The following PLA2G6 variants were observed in gnomAD, a reference collection of about 807,000 sequenced individuals.
PLA2G6 encodes 85/88 kDa calcium-independent phospholipase A2.
A neutral mutation model predicts 83.8 loss-of-function variants in PLA2G6; 62 were observed. That is an observed-to-expected ratio of 0.74 (90% CI 0.60 to 0.91). PLA2G6 has a LOEUF of 0.91. Among genes scored for constraint, PLA2G6 ranks in the 40% least tolerant of loss-of-function variants. The probability of loss-of-function intolerance (pLI) is 0.00; values close to 1 mark genes in which losing one functional copy is unlikely to be tolerated. For missense variants in PLA2G6, 944 were observed against 1,102.0 expected (o/e 0.86, Z 2.03); for synonymous variants, 417 against 449.8 (o/e 0.93, Z 0.92).
At chr22:38,131,832 T>C (rs1275280503) in intron 7 of PLA2G6, 1 of 293,678 alleles carries the variant, frequency 3.4e-6, no homozygotes, top group African/African-American at 2.3e-5. Context: ...CTCACGCCTG[T>C]AATCCCAGCA....
rs942322828 is a variant in PLA2G6, at chr22:38,115,458, C to A, written c.2034+69G>T. 16 of 1,478,310 alleles carry A rather than the reference C, an allele frequency of 1.1e-5. No homozygotes were observed. In the South Asian group the frequency reaches 1.6e-4, roughly 15 times the overall value. 91.6% of individuals were successfully genotyped at this position (1,478,310 alleles called of 1,614,324 possible). A position where few individuals can be genotyped will look rare whatever the true frequency, so the allele number is the denominator to read the frequency against. On this transcript the variant is annotated intron_variant, in intron 14 of 16. Transcript: ENST00000332509. ...TGCTGTCCTGGGGGTCGGTCCCTAGCATGGTTTGCTGACACAGGATTGGCT... is the reference window on the plus strand; with the variant it reads ...TGCTGTCCTGGGGGTCGGTCCCTAGAATGGTTTGCTGACACAGGATTGGCT...
At chr22:38,164,561 C>T (rs776110848) in intron 2 of PLA2G6, among the ~76,000 whole-genome samples, 3 of 152,196 alleles carry the variant, frequency 2.0e-5, no homozygotes, top group Admixed American at 6.5e-5. Context: ...CCAGTCTCTC[C>T]GCCCAGCAGC....
chr22:38,170,773 TC>T (rs1368442360), intron 1 of PLA2G6, among the ~76,000 whole-genome samples: 1 of 152,022 alleles, frequency 6.6e-6, no homozygotes, highest in Non-Finnish European at 1.5e-5. Flanking sequence ...GCCACATTCT[TC>T]CCTGGCCTAT....
intron 5 of PLA2G6, chr22:38,135,406 G>C (rs2088489792): frequency 2.7e-6 from 1 of 375,182 alleles, no homozygotes; most frequent in East Asian, 6.0e-5. Context: ...AACATGGAGA[G>C]AGTGCTGAGA....
At chr22:38,142,658 G>A (rs2088987546) in intron 4 of PLA2G6, 1 of 259,366 alleles carries the variant, frequency 3.9e-6, no homozygotes, top group African/African-American at 2.2e-5. Flanking sequence ...AAGAAAGTTT[G>A]TGAATTTGTG....
intron 1 of PLA2G6, among the ~76,000 whole-genome samples, chr22:38,170,225 T>G: frequency 6.8e-6 from 1 of 147,950 alleles, no homozygotes; most frequent in Admixed American, 6.8e-5. Flanking sequence ...GAGGCCAGCA[T>G]GGATCATTTC....
chr22:38,139,666 C>T, intron 5 of PLA2G6: 1 of 271,912 alleles, frequency 3.7e-6, no homozygotes, highest in Middle Eastern at 1.4e-3. Flanking sequence ...AACTCCCGAC[C>T]TCAGGTGATC....
At chr22:38,165,228 C>A (rs2090169205) in intron 2 of PLA2G6, among the ~76,000 whole-genome samples, 1 of 152,212 alleles carries the variant, frequency 6.6e-6, no homozygotes, top group Non-Finnish European at 1.5e-5. Context: ...ATATCACATT[C>A]ATTTGTTCCA....
rs928030078 is a variant in PLA2G6, at chr22:38,111,600, TGGGGCAGTGTGA to T, written c.*549_*560del. 5 of 173,274 alleles carry T rather than the reference TGGGGCAGTGTGA, an allele frequency of 2.9e-5. No individual in the cohort carries two copies. The highest frequency in any genetic ancestry group is 1.2e-4 in the African/African-American group (5 of 41,562). The allele number at this position is 173,274 out of a possible 1,614,324, so 10.7% of individuals were successfully genotyped here. ...CTTTGAGAGCTGAGGGTTCTCGGGG[TGGGGCAGTGTGA>T]GGGGCTGGGCCAGTGTGAGGGGCAA... is the stretch of plus-strand genomic sequence containing the variant. On this transcript the variant is annotated 3_prime_UTR_variant, in exon 17 of 17. Transcript: ENST00000332509.
chr22:38,125,124 ATG>A (rs2087761205), intron 10 of PLA2G6, among the ~76,000 whole-genome samples: 1 of 151,948 alleles, frequency 6.6e-6, no homozygotes, highest in East Asian at 1.9e-4. Flanking sequence ...ATGTACATGC[ATG>A]TGTGTACATG....
Position 38,128,431 on chromosome 22 carries a change from C to A in PLA2G6, c.1187-1G>T. On this transcript the variant is annotated splice_acceptor_variant, in intron 8 of 16. Transcript: ENST00000332509. LOFTEE classifies it high-confidence loss of function. The surrounding 1 kb of genome is among the most constrained non-coding windows in gnomAD (Gnocchi z 4.4). ...GTCAAGATCGCCTTCCTGGTGACAACTTGTCATGGTTTGGGGAAGGGGAGA... is the reference window on the plus strand; with the variant it reads ...GTCAAGATCGCCTTCCTGGTGACAAATTGTCATGGTTTGGGGAAGGGGAGA... The A allele has an allele frequency of 6.2e-7, 1 of 1,614,020 alleles. No individual in the cohort carries two copies. The highest frequency in any genetic ancestry group is 8.5e-7 in the Non-Finnish European group (1 of 1,179,968).
At chr22:38,162,771 G>A (rs2090069614) in intron 2 of PLA2G6, among the ~76,000 whole-genome samples, 1 of 152,124 alleles carries the variant, frequency 6.6e-6, no homozygotes, top group Non-Finnish European at 1.5e-5. Flanking sequence ...GGGGCAAGGA[G>A]GACCCTACCC....
intron 6 of PLA2G6, chr22:38,133,326 C>T (rs1462396524): frequency 1.1e-5 from 5 of 459,772 alleles, no homozygotes; most frequent in Non-Finnish European, 2.0e-5. Context: ...TCCTGAAGCA[C>T]CCCGCTCCCT....
chr22:38,173,152 G>A (rs567965688), intron 1 of PLA2G6, among the ~76,000 whole-genome samples: 21 of 152,290 alleles, frequency 1.4e-4, no homozygotes, highest in Admixed American at 3.9e-4. Context: ...TGCCACCTTG[G>A]ACCCTGGAGC....
chr22:38,179,018 C>A (rs553280657), intron 1 of PLA2G6, among the ~76,000 whole-genome samples: 1 of 152,162 alleles, frequency 6.6e-6, no homozygotes, highest in East Asian at 1.9e-4. Context: ...AGGAGAAAAA[C>A]CAGAGAATGG....
chr22:38,173,578 C>T (rs563739250), intron 1 of PLA2G6, among the ~76,000 whole-genome samples: 1 of 152,272 alleles, frequency 6.6e-6, no homozygotes, highest in Non-Finnish European at 1.5e-5. Context: ...CACCCATCCT[C>T]TGTCAAAACC....
At chr22:38,168,133 C>G (rs1164238921) in intron 2 of PLA2G6, 1 of 157,628 alleles carries the variant, frequency 6.3e-6, no homozygotes, top group Admixed American at 6.5e-5. Context: ...CTGTTTGCAC[C>G]GGACCTCCCC....
At chr22:38,134,944 G>A (rs1190544251) in intron 6 of PLA2G6, 44 bp downstream of exon 6, 1 of 1,412,220 alleles carries the variant, frequency 7.1e-7, no homozygotes, top group Non-Finnish European at 9.9e-7. Context: ...GGACCTGCGG[G>A]GCCCGGCCCC....
intron 1 of PLA2G6, among the ~76,000 whole-genome samples, chr22:38,169,738 G>A (rs1250770123): frequency 1.3e-5 from 2 of 152,252 alleles, no homozygotes; most frequent in African/African-American, 2.4e-5. Context: ...TTAACTGCCT[G>A]CTTCCTGACC....
Sources: gnomAD v4.1 joint callset for allele counts (sites outside exome capture counted in the v4.1 genomes callset) on GRCh38, gnomAD v4.1.1 for gene constraint, Gnocchi (gnomAD v3.1) non-coding constraint, MANE v1.5 for transcripts, NCBI Gene and HGNC (gene_info 2026-07-23, HGNC 2026-07-21) for gene names.